The following GABRA3 variants were observed in gnomAD, a reference collection of about 807,000 sequenced individuals.
GABRA3 encodes the protein gamma-aminobutyric acid receptor subunit alpha-3.
GABRA3 carries 10 observed loss-of-function variants against 30.1 expected under a neutral mutation model. That is an observed-to-expected ratio of 0.33 (90% CI 0.20 to 0.56). The LOEUF (loss-of-function observed/expected upper bound fraction) is 0.56. GABRA3 is among the 20% of genes least tolerant of loss of function. The pLI is 0.89. For missense variants in GABRA3, 233 were observed against 392.0 expected, an observed-to-expected ratio of 0.59 and a Z score of 3.42; for synonymous variants, 151 against 146.8, an observed-to-expected ratio of 1.03 and a Z score of -0.21.
At chrX:152,444,075 C>T (rs1186193768) in intron 1 of GABRA3, among the ~76,000 whole-genome samples, 1 of 110,678 alleles carries the variant, frequency 9.0e-6, no homozygotes, top group Non-Finnish European at 1.9e-5. Context: ...AATGTCTCTT[C>T]ATTTTCAAAA....
chrX:152,313,718 C>G (rs1444200959), intron 3 of GABRA3, among the ~76,000 whole-genome samples: 1 of 111,963 alleles, frequency 8.9e-6, no homozygotes, highest in Admixed American at 9.5e-5. Context: ...ACTGGTTATG[C>G]TAAAACCACA....
chrX:152,449,511 G>A (rs1366646518), intron 1 of GABRA3, among the ~76,000 whole-genome samples: 6 of 111,757 alleles, frequency 5.4e-5, no homozygotes, highest in African/African-American at 2.0e-4. Flanking sequence ...GGGTGGATGA[G>A]GCTATAAAAA....
intron 3 of GABRA3, among the ~76,000 whole-genome samples, chrX:152,285,111 C>T (rs1344241365): frequency 8.9e-6 from 1 of 111,750 alleles, no homozygotes; most frequent in East Asian, 2.8e-4. Context: ...TCTTCCACTC[C>T]CCTGCCTTTT....
At chrX:152,283,070 A>T (rs775878765) in intron 4 of GABRA3, among the ~76,000 whole-genome samples, 48 of 111,675 alleles carry the variant, frequency 4.3e-4, no homozygotes, top group Non-Finnish European at 8.1e-4. Flanking sequence ...GGCTTCCTAG[A>T]GCCTTTAATG....
intron 1 of GABRA3, among the ~76,000 whole-genome samples, chrX:152,428,941 A>T (rs916364278): frequency 9.0e-6 from 1 of 111,700 alleles, no homozygotes; most frequent in Non-Finnish European, 1.9e-5. Flanking sequence ...TGAAGAATGC[A>T]CTTAATGGGT....
intron 4 of GABRA3, among the ~76,000 whole-genome samples, chrX:152,257,309 G>A (rs918344523): frequency 4.5e-5 from 5 of 112,074 alleles, no homozygotes; most frequent in African/African-American, 1.6e-4. Flanking sequence ...CTGAGAGGGT[G>A]AGTCCCAAAA....
intron 3 of GABRA3, among the ~76,000 whole-genome samples, chrX:152,334,677 G>A (rs1393434513): frequency 9.0e-6 from 1 of 111,175 alleles, no homozygotes; most frequent in African/African-American, 3.3e-5. Flanking sequence ...ACAGGTGTGA[G>A]CCACTATGCC....
At chrX:152,285,225 A>T (rs1939271102) in intron 3 of GABRA3, among the ~76,000 whole-genome samples, 1 of 112,237 alleles carries the variant, frequency 8.9e-6, no homozygotes, top group Admixed American at 9.5e-5. Flanking sequence ...CCTCCATGCC[A>T]TGATGATCGT....
intron 3 of GABRA3, among the ~76,000 whole-genome samples, chrX:152,304,603 T>A (rs1452053122): frequency 9.0e-6 from 1 of 111,637 alleles, no homozygotes. Context: ...GATCAGATGG[T>A]TGTAGGTGTG....
chrX:152,275,316 A>T (rs1418435935), intron 4 of GABRA3, among the ~76,000 whole-genome samples: 2 of 22,099 alleles, frequency 9.1e-5, no homozygotes, highest in Non-Finnish European at 1.6e-4. Context: ...AAATATATAT[A>T]ATATATAATA....
At chrX:152,219,880 A>G (rs1348876041) in intron 6 of GABRA3, among the ~76,000 whole-genome samples, 1 of 111,156 alleles carries the variant, frequency 9.0e-6, no homozygotes, top group Non-Finnish European at 1.9e-5. Context: ...AATACATAAC[A>G]AGTTTAAGAA....
chrX:152,408,068 C>A (rs1431298248), intron 1 of GABRA3, among the ~76,000 whole-genome samples: 2 of 111,103 alleles, frequency 1.8e-5, no homozygotes, highest in African/African-American at 6.5e-5. Flanking sequence ...ACAGAAAGAA[C>A]ATATCTCAAC....
At chrX:152,292,522 A>G (rs993614778) in intron 3 of GABRA3, among the ~76,000 whole-genome samples, 4 of 111,194 alleles carry the variant, frequency 3.6e-5, no homozygotes, top group African/African-American at 1.3e-4. Context: ...GATTTTTTAA[A>G]GGATTTTTTT....
At chrX:152,198,019 AT>A (rs79789385) in intron 7 of GABRA3, among the ~76,000 whole-genome samples, 3,133 of 112,054 alleles carry the variant, frequency 0.028, 92 homozygotes, top group African/African-American at 0.076. Context: ...TTTTGACACA[AT>A]TCATTCAAGT....
In GABRA3 at chrX:152,444,744, TTTTG is replaced by T. The variant is rs1569426309; in HGVS notation, c.-27+6398_-27+6401del. Among the ~76,000 whole-genome samples the T allele has an allele frequency of 4.2e-3, 315 of 75,466 alleles. 5 individuals carry two copies. The highest frequency in any genetic ancestry group is 0.015 in the African/African-American group (287 of 19,691). 65.5% of individuals were successfully genotyped at this position (75,466 alleles called of 115,157 possible). A position where few individuals can be genotyped will look rare whatever the true frequency, so the allele number is the denominator to read the frequency against. ...ATATAATACTTGTGTGTTTTTTTTT[TTTTG>T]TTTTTTTTTGTTTGTTTGTTTGTTT... On this transcript the variant is annotated intron_variant, in intron 1 of 9. Transcript: ENST00000370314.
At chrX:152,269,079 T>C (rs182182318) in intron 4 of GABRA3, among the ~76,000 whole-genome samples, 241 of 111,884 alleles carry the variant, frequency 2.2e-3, no homozygotes, top group Non-Finnish European at 3.5e-3. Flanking sequence ...CATTTGCAGA[T>C]AATATGATCT....
intron 3 of GABRA3, among the ~76,000 whole-genome samples, chrX:152,306,701 T>C (rs1173447312): frequency 8.9e-6 from 1 of 112,286 alleles, no homozygotes; most frequent in African/African-American, 3.2e-5. Context: ...TTGAGCCTGT[T>C]AGAAAAAACA....
intron 4 of GABRA3, among the ~76,000 whole-genome samples, chrX:152,261,617 G>A (rs1487356925): frequency 4.4e-5 from 5 of 112,632 alleles, no homozygotes; most frequent in Non-Finnish European, 9.4e-5. Flanking sequence ...CTCACATCCA[G>A]GTCATGCTGA....
intron 1 of GABRA3, among the ~76,000 whole-genome samples, chrX:152,381,117 G>A (rs1337617590): frequency 1.8e-5 from 2 of 111,652 alleles, no homozygotes; most frequent in East Asian, 5.6e-4. Flanking sequence ...TCATATTTCA[G>A]CACAACACAA....
Sources: gnomAD v4.1 joint callset for allele counts (sites outside exome capture counted in the v4.1 genomes callset) on GRCh38, gnomAD v4.1.1 for gene constraint, MANE v1.5 for transcripts, NCBI Gene and HGNC (gene_info 2026-07-23, HGNC 2026-07-21) for gene names.